The following EYS variants were observed in gnomAD, a reference collection of about 807,000 sequenced individuals.
EYS encodes the protein protein eyes shut homolog.
A neutral mutation model predicts 282.1 loss-of-function variants in EYS; 250 were observed. That is an observed-to-expected ratio of 0.89 (90% CI 0.80 to 0.98). The LOEUF (loss-of-function observed/expected upper bound fraction) is 0.98, where lower values mean the gene tolerates loss of function less well. EYS is among the 50% of genes least tolerant of loss of function. The pLI is 0.00. For synonymous variants in EYS, 1,355 were observed against 1,282.9 expected (o/e 1.06, Z -1.20); for missense variants, 4,016 against 3,709.0 (o/e 1.08, Z -2.15).
intron 1 of EYS, among the ~76,000 whole-genome samples, chr6:65,656,602 A>C (rs142143030): frequency 2.5e-4 from 38 of 152,050 alleles, no homozygotes; most frequent in Middle Eastern, 3.4e-3. Context: ...GTTTGAAAGT[A>C]ACTGGGAAGT....
At chr6:64,605,867 T>C (rs1766915377) in intron 24 of EYS, among the ~76,000 whole-genome samples, 1 of 152,020 alleles carries the variant, frequency 6.6e-6, no homozygotes, top group Non-Finnish European at 1.5e-5. Context: ...TTTAAAACTT[T>C]CTTTTTCTTA....
intron 5 of EYS, 70 bp downstream of exon 5, chr6:65,490,524 T>A (rs913538124): frequency 1.2e-6 from 1 of 860,756 alleles, no homozygotes; most frequent in Admixed American, 2.0e-5. Context: ...ATATTTCACA[T>A]TTAATTTGAA....
chr6:64,178,449 C>T lies in EYS; in HGVS notation c.6424+52143G>A, dbSNP rs184028851. 1.1e-3 allele frequency among the ~76,000 whole-genome samples: 173 copies of T among 152,168 alleles called. 2 individuals carry two copies. Among genetic ancestry groups the T allele is most frequent in the Non-Finnish European group, 8.8e-5 (6 of 67,960 alleles). On this transcript the variant is annotated intron_variant, in intron 31 of 42. Transcript: ENST00000503581. ...GGAATTAGTTTGGGTTGCTTAAATA[C>T]ATGGTGATCAATCATTACATAGCAA...
intron 29 of EYS, among the ~76,000 whole-genome samples, chr6:64,345,193 A>G (rs1165971516): frequency 6.6e-6 from 1 of 152,176 alleles, no homozygotes; most frequent in Admixed American, 6.6e-5. Context: ...GAATTGGAAA[A>G]AAACTACTTT....
At chr6:64,951,590 T>C (rs924891774) in intron 14 of EYS, among the ~76,000 whole-genome samples, 1 of 151,928 alleles carries the variant, frequency 6.6e-6, no homozygotes, top group African/African-American at 2.4e-5. Flanking sequence ...AAAATACTTA[T>C]GATGAATACA....
At position 63,975,441 on chromosome 6, in the gene EYS, A is replaced by G. The variant is rs77610084; in HGVS notation, c.7055+8942T>C. On this transcript the variant is annotated intron_variant, in intron 35 of 42. Transcript: ENST00000503581. ...AATAATTTCTAAACATGGATGTTCT[A>G]GAAAAAAAGAAAAACAGAAAACAAT... Among the ~76,000 whole-genome samples, 409 of 152,168 alleles carry G rather than the reference A, an allele frequency of 2.7e-3. 1 individual carries two copies. Among genetic ancestry groups the G allele is most frequent in the African/African-American group, 9.4e-3 (391 of 41,562 alleles).
rs66999581 is a variant in EYS at position 65,663,866 on chromosome 6, C to CTT, written c.-447-23976_-447-23975dup. Among the ~76,000 whole-genome samples the CTT allele has an allele frequency of 9.9e-3, 749 of 75,780 alleles. 28 individuals carry two copies. Among genetic ancestry groups the CTT allele is most frequent in the East Asian group, 0.03 (76 of 2,524 alleles). The allele number at this position is 75,780 out of a possible 152,430, so 49.7% of individuals were successfully genotyped here. On this transcript the variant is annotated intron_variant, in intron 1 of 42. Transcript: ENST00000503581. ...CAGCTAATTTTTTGTTTTTTCTTTTCTTTTTTTTTTTTTTTTTTTTTTGAG... is the reference window on the plus strand; with the variant it reads ...CAGCTAATTTTTTGTTTTTTCTTTTCTTTTTTTTTTTTTTTTTTTTTTTTGAG...
At chr6:64,625,042 T>C (rs1382924458) in intron 23 of EYS, among the ~76,000 whole-genome samples, 1 of 152,104 alleles carries the variant, frequency 6.6e-6, no homozygotes, top group African/African-American at 2.4e-5. Context: ...GCTCAATAAC[T>C]TTTTTTAAGT....
chr6:64,034,938 A>C (rs554005316), intron 33 of EYS, among the ~76,000 whole-genome samples: 3 of 152,318 alleles, frequency 2.0e-5, no homozygotes, highest in African/African-American at 4.8e-5. Context: ...AATTTTAAGG[A>C]ATAAGGCATC....
At chr6:64,439,849 C>G (rs1774875724) in intron 26 of EYS, among the ~76,000 whole-genome samples, 1 of 151,750 alleles carries the variant, frequency 6.6e-6, no homozygotes, top group South Asian at 2.1e-4. Context: ...TTCTAATTAG[C>G]TGTAGATTTT....
chr6:65,577,124 A>G (rs1417847885), intron 2 of EYS, among the ~76,000 whole-genome samples: 1 of 151,904 alleles, frequency 6.6e-6, no homozygotes, highest in South Asian at 2.1e-4. Flanking sequence ...AGCAATCTTG[A>G]GTAAAAAGAA....
At chr6:64,297,549 A>G (rs1231317131) in intron 30 of EYS, among the ~76,000 whole-genome samples, 1 of 152,242 alleles carries the variant, frequency 6.6e-6, no homozygotes, top group Non-Finnish European at 1.5e-5. Context: ...TTCACATACA[A>G]GGATCCCAAT....
chr6:64,429,575 G>A (rs1010763232), intron 28 of EYS, among the ~76,000 whole-genome samples: 1 of 152,192 alleles, frequency 6.6e-6, no homozygotes, highest in Admixed American at 6.5e-5. Context: ...AGGTTGCAGT[G>A]AGCCAAGGTA....
chr6:63,982,264 T>C (rs531747695), intron 35 of EYS, among the ~76,000 whole-genome samples: 3 of 151,936 alleles, frequency 2.0e-5, no homozygotes, highest in East Asian at 1.9e-4. Context: ...TAAAAGAACA[T>C]ACTAACAGTT....
chr6:65,259,174 T>C lies in EYS; in HGVS notation c.2023+36689A>G, dbSNP rs1426577431. On this transcript the variant is annotated intron_variant, in intron 12 of 42. Transcript: ENST00000503581. ...TACCTATTGAAGTAAGTTGAGACTT[T>C]GGTCAATGAAAAGTGAAAGGAACTG... 4.6e-5 allele frequency among the ~76,000 whole-genome samples: 7 copies of C among 152,156 alleles called. No individual in the cohort carries two copies. In the South Asian group the frequency reaches 1.0e-3, roughly 23 times the overall value.
intron 26 of EYS, among the ~76,000 whole-genome samples, 170 bp downstream of exon 26, chr6:64,590,053 A>T (rs1766354332): frequency 6.6e-6 from 1 of 152,116 alleles, no homozygotes; most frequent in Admixed American, 6.6e-5. Context: ...TGCATAAAGA[A>T]TAACCATCTG....
At chr6:64,709,319 G>A (rs2149932903) in intron 22 of EYS, among the ~76,000 whole-genome samples, 1 of 152,128 alleles carries the variant, frequency 6.6e-6, no homozygotes, top group African/African-American at 2.4e-5. Flanking sequence ...ACTGCATAGG[G>A]CATTTCTTCC....
At chr6:65,440,496 T>A (rs979154349) in intron 5 of EYS, among the ~76,000 whole-genome samples, 3 of 151,814 alleles carry the variant, frequency 2.0e-5, no homozygotes, top group African/African-American at 7.2e-5. Flanking sequence ...CCCATTATAA[T>A]ATCAAGAAAA....
At chr6:64,145,784 C>T (rs941307549) in intron 31 of EYS, among the ~76,000 whole-genome samples, 2 of 152,076 alleles carry the variant, frequency 1.3e-5, no homozygotes, top group Non-Finnish European at 2.9e-5. Flanking sequence ...ATAGGAAGAT[C>T]TGCTCCTCTT....
Sources: allele counts gnomAD v4.1 joint callset (sites outside exome capture counted in the v4.1 genomes callset), GRCh38; gene constraint gnomAD v4.1.1; transcripts MANE v1.5; gene names NCBI Gene and HGNC (gene_info 2026-07-23, HGNC 2026-07-21).